The following SEMA3C variants were observed in gnomAD, a reference collection of about 807,000 sequenced individuals.
SEMA3C encodes semaphorin-3C.
In SEMA3C, 47 loss-of-function variants were observed where a neutral mutation model predicts 89.4. That is an observed-to-expected ratio of 0.53 (90% CI 0.42 to 0.67). SEMA3C has a LOEUF of 0.67. Among genes scored for constraint, SEMA3C ranks in the 30% least tolerant of loss-of-function variants. The pLI, the probability that SEMA3C is intolerant of heterozygous loss-of-function variation, is 0.00. For synonymous variants in SEMA3C, 310 were observed against 320.2 expected (o/e 0.97, Z 0.34); for missense variants, 839 against 929.1 (o/e 0.90, Z 1.26).
chr7:80,803,975 G>T, intron 8 of SEMA3C, 131 bp downstream of exon 8: 2 of 788,874 alleles, frequency 2.5e-6, no homozygotes, highest in Non-Finnish European at 3.7e-6. Context: ...TAATGATGAT[G>T]AATAAATGTT....
chr7:80,921,075 C>CA (rs566087786), upstream of SEMA3C, among the ~76,000 whole-genome samples: 26 of 152,278 alleles, frequency 1.7e-4, no homozygotes, highest in South Asian at 5.2e-3. Flanking sequence ...AAATGCATCT[C>CA]AAACGGTGTA....
intron 2 of SEMA3C, among the ~76,000 whole-genome samples, chr7:80,897,023 C>T (rs1175276929): frequency 4.6e-5 from 7 of 152,088 alleles, no homozygotes; most frequent in Admixed American, 2.0e-4. Context: ...GGCAGGTAGG[C>T]GCCGGAGAGC....
intron 2 of SEMA3C, among the ~76,000 whole-genome samples, chr7:80,847,586 T>A (rs1415445092): frequency 2.6e-5 from 4 of 152,178 alleles, no homozygotes; most frequent in African/African-American, 7.2e-5. Flanking sequence ...GAGTAGGTTT[T>A]TTTTTCCCCT....
At chr7:80,747,545 A>G (rs1562855648) in intron 17 of SEMA3C, among the ~76,000 whole-genome samples, 1 of 152,162 alleles carries the variant, frequency 6.6e-6, no homozygotes, top group Non-Finnish European at 1.5e-5. Flanking sequence ...TCACTTGTAT[A>G]TAGTAATCAT....
intron 2 of SEMA3C, among the ~76,000 whole-genome samples, chr7:80,838,957 T>C (rs764045018): frequency 6.6e-6 from 1 of 152,186 alleles, no homozygotes; most frequent in Non-Finnish European, 1.5e-5. Context: ...ACTTGTGTTG[T>C]GTAATTCAAT....
chr7:80,904,142 G>A (rs1355535372), intron 2 of SEMA3C, among the ~76,000 whole-genome samples: 1 of 152,156 alleles, frequency 6.6e-6, no homozygotes, highest in Non-Finnish European at 1.5e-5. Flanking sequence ...CTAGGTTCAA[G>A]TGATTCTCAT....
chr7:80,920,219 C>G (rs3762017), upstream of SEMA3C, among the ~76,000 whole-genome samples: 76,734 of 151,826 alleles, frequency 0.51, 20,671 homozygotes, highest in Admixed American at 0.61. Flanking sequence ...ATTACTTCTC[C>G]GGACCACAAT....
chr7:80,763,018 A>T (rs1461500835), intron 13 of SEMA3C, among the ~76,000 whole-genome samples: 1 of 152,194 alleles, frequency 6.6e-6, no homozygotes, highest in Non-Finnish European at 1.5e-5. Flanking sequence ...ATCATCCCTT[A>T]TAAATATGTA....
chr7:80,837,663 T>C lies in SEMA3C; in HGVS notation c.104-8918A>G, dbSNP rs114739856. Among the ~76,000 whole-genome samples, 681 of 152,350 alleles carry C rather than the reference T, an allele frequency of 4.5e-3. 7 individuals are homozygous for C. The highest frequency in any genetic ancestry group is 0.015 in the African/African-American group (633 of 41,580). On this transcript the variant is annotated intron_variant, in intron 2 of 17. Coordinates refer to ENST00000265361, the MANE Select transcript of SEMA3C (RefSeq NM_006379.5). ...CTTTGTACATGTTGTTCCTCTTGCT[T>C]ATAAAATTCTTCCTGCCTTTTTCTA...
intron 2 of SEMA3C, among the ~76,000 whole-genome samples, chr7:80,908,929 T>C (rs1200301452): frequency 2.0e-5 from 3 of 152,174 alleles, no homozygotes; most frequent in East Asian, 1.9e-4. Context: ...AGAAAACATA[T>C]AAATAATGCA....
intron 2 of SEMA3C, among the ~76,000 whole-genome samples, chr7:80,867,011 A>C (rs1486638122): frequency 2.0e-5 from 3 of 152,212 alleles, no homozygotes; most frequent in Admixed American, 1.3e-4. Context: ...AAAGTGAGAG[A>C]GAATTCTAGG....
At chr7:80,891,832 T>C (rs999676435) in intron 2 of SEMA3C, among the ~76,000 whole-genome samples, 1 of 152,128 alleles carries the variant, frequency 6.6e-6, no homozygotes, top group Admixed American at 6.5e-5. Flanking sequence ...TAAATGAAGA[T>C]TGTTTTTCCA....
intron 6 of SEMA3C, among the ~76,000 whole-genome samples, chr7:80,806,682 G>A (rs959578498): frequency 2.0e-5 from 3 of 151,952 alleles, no homozygotes; most frequent in Non-Finnish European, 4.4e-5. Flanking sequence ...TAACAAACGT[G>A]ACCCCTGAGT....
intron 6 of SEMA3C, among the ~76,000 whole-genome samples, chr7:80,807,312 A>G (rs1789365022): frequency 6.6e-6 from 1 of 152,190 alleles, no homozygotes. Flanking sequence ...GATACTAAGA[A>G]GTTAGTGTAT....
intron 12 of SEMA3C, among the ~76,000 whole-genome samples, chr7:80,770,850 C>G (rs1788416252): frequency 1.3e-5 from 2 of 152,212 alleles, no homozygotes; most frequent in African/African-American, 4.8e-5. Flanking sequence ...AAATCAGGAG[C>G]ATTCAAGCTT....
Position 80,798,089 on chromosome 7 carries a change from T to C in SEMA3C, c.1131+3A>G. ...TAACAAAGAATTTTCCCTGGATACT[T>C]ACAGTTCCAGGGCGAGGATATGGAA... is the stretch of plus-strand genomic sequence containing the variant. On this transcript the variant is annotated splice_donor_region_variant and intron_variant, in intron 11 of 17. Transcript: ENST00000265361. 6.3e-7 allele frequency: 1 copy of C among 1,595,362 alleles called. No homozygotes were observed. Among genetic ancestry groups the C allele is most frequent in the South Asian group, 1.1e-5 (1 of 86,988 alleles).
At chr7:80,841,817 A>G (rs1790276043) in intron 2 of SEMA3C, among the ~76,000 whole-genome samples, 1 of 152,192 alleles carries the variant, frequency 6.6e-6, no homozygotes, top group African/African-American at 2.4e-5. Context: ...TTATGAACAA[A>G]GAGATGGGGA....
chr7:80,901,522 C>T (rs1392935387), intron 2 of SEMA3C, among the ~76,000 whole-genome samples: 3 of 152,210 alleles, frequency 2.0e-5, no homozygotes, highest in Non-Finnish European at 4.4e-5. Context: ...CTTTGCAAAA[C>T]TTACCGCCAA....
chr7:80,906,327 G>A (rs1792014858), intron 2 of SEMA3C, among the ~76,000 whole-genome samples: 1 of 152,168 alleles, frequency 6.6e-6, no homozygotes, highest in Non-Finnish European at 1.5e-5. Flanking sequence ...TTTGGAAACC[G>A]AAGATGGTTA....
Sources: gnomAD v4.1 joint callset for allele counts (sites outside exome capture counted in the v4.1 genomes callset) on GRCh38, gnomAD v4.1.1 for gene constraint, MANE v1.5 for transcripts, NCBI Gene and HGNC (gene_info 2026-07-23, HGNC 2026-07-21) for gene names.